The following CDKL4 variants were observed in gnomAD, a reference collection of about 807,000 sequenced individuals.
The protein encoded by CDKL4 is cyclin-dependent kinase-like 4.
A neutral mutation model predicts 42.0 loss-of-function variants in CDKL4; 44 were observed. That is an observed-to-expected ratio of 1.05 (90% CI 0.82 to 1.35). The LOEUF is 1.35. CDKL4 is among the 40% of genes most tolerant of loss of function. CDKL4 has a pLI of 0.00. For synonymous variants in CDKL4, 120 were observed against 121.6 expected (o/e 0.99, Z 0.09); for missense variants, 393 against 369.9 (o/e 1.06, Z -0.51).
chr2:39,169,922 G>A, the CDKL4 span, among the ~76,000 whole-genome samples: 18 of 152,136 alleles, frequency 1.2e-4, no homozygotes, highest in Non-Finnish European at 2.6e-4. Flanking sequence ...CCAGGTTGAA[G>A]TGCAGTGGCA....
intron 7 of CDKL4, among the ~76,000 whole-genome samples, chr2:39,186,568 T>C (rs951795947): frequency 2.6e-5 from 4 of 152,340 alleles, no homozygotes; most frequent in Admixed American, 2.6e-4. Flanking sequence ...GTCATTGATA[T>C]GTTTTCAAAT....
intron 1 of CDKL4, 76 bp from the exon 2 acceptor site, chr2:39,229,664 T>C (rs917928562): frequency 3.3e-6 from 2 of 606,160 alleles, no homozygotes; most frequent in African/African-American, 3.8e-5. Context: ...AACCAATTTG[T>C]CCACATGCCA....
chr2:39,176,067 G>C, exon 10 of CDKL4: 1 of 470,554 alleles, frequency 2.1e-6, no homozygotes, highest in Non-Finnish European at 4.4e-6. Context: ...GGGAGATGTG[G>C]CTTCCTGGTA....
chr2:39,195,607 CTTT>C (rs958813547), intron 5 of CDKL4, among the ~76,000 whole-genome samples: 1 of 146,404 alleles, frequency 6.8e-6, no homozygotes, highest in Non-Finnish European at 1.5e-5. Context: ...CGTATAGCTT[CTTT>C]TTTACTTTTT....
At chr2:39,229,912 C>T (rs1678992426) in intron 1 of CDKL4, among the ~76,000 whole-genome samples, 1 of 152,184 alleles carries the variant, frequency 6.6e-6, no homozygotes, top group Admixed American at 6.5e-5. Context: ...CTGTAAAATC[C>T]AGCTGAAGGA....
intron 9 of CDKL4, chr2:39,178,577 C>G (rs758131507): frequency 6.4e-7 from 1 of 1,551,958 alleles, no homozygotes; most frequent in South Asian, 1.2e-5. Context: ...TTTCTGAAAG[C>G]AAGTGAAGGA....
At chr2:39,191,870 A>G (rs997805829) in intron 5 of CDKL4, among the ~76,000 whole-genome samples, 2 of 152,212 alleles carry the variant, frequency 1.3e-5, no homozygotes, top group East Asian at 3.9e-4. Flanking sequence ...AGGAGGAACA[A>G]TTGGAAAGCA....
chr2:39,187,850 TTGACGTCAAG>T, intron 6 of CDKL4, 141 bp from the exon 7 acceptor site: 2 of 601,924 alleles, frequency 3.3e-6, no homozygotes, highest in Non-Finnish European at 5.8e-6. Flanking sequence ...GGTGGATCAC[TTGACGTCAAG>T]AGTTCGAGAC....
chr2:39,208,949 C>G (rs1022770208), intron 4 of CDKL4, among the ~76,000 whole-genome samples: 4 of 151,946 alleles, frequency 2.6e-5, no homozygotes, highest in African/African-American at 9.7e-5. Flanking sequence ...ACAACCAAAA[C>G]ATGAGTATCA....
chr2:39,213,977 G>A (rs1242636583), intron 3 of CDKL4, among the ~76,000 whole-genome samples: 1 of 151,992 alleles, frequency 6.6e-6, no homozygotes, highest in East Asian at 1.9e-4. Context: ...GAGTGCAGTG[G>A]CATGATCTCA....
Position 39,178,292 on chromosome 2 carries a change from C to T in CDKL4, c.927+895G>A, listed in dbSNP as rs918676218. Among the ~76,000 whole-genome samples the T allele has an allele frequency of 8.5e-5, 13 of 152,174 alleles. No individual in the cohort carries two copies. The East Asian group carries it at 2.3e-3, about 27-fold the overall frequency. On this transcript the variant is annotated intron_variant, in intron 9 of 9. Transcript: ENST00000451199. ...GAAAAGACAACACTTTCTTCCTTTA[C>T]GGAAAACATGCTAATGAGAAGACGA...
chr2:39,185,219 TATATACACATACGTATATATAC>T (rs202085312), intron 7 of CDKL4, among the ~76,000 whole-genome samples: 7,078 of 31,758 alleles, frequency 0.22, 2,859 homozygotes, highest in Non-Finnish European at 0.37. Context: ...TATATATACA[TATATACACATACGTATATATAC>T]ATATATACAC....
chr2:39,241,961 C>G lies in CDKL4; in HGVS notation c.-57+1910G>C, dbSNP rs111760328. ...TTTGATTATTAATACAGTACTTGGA[C>G]AAGAAATCAAGATTAAATGGTGATA... On this transcript the variant is annotated intron_variant, in intron 1 of 9. Coordinates refer to ENST00000451199, the Ensembl canonical transcript of CDKL4. Among the ~76,000 whole-genome samples the G allele has an allele frequency of 1.3e-3, 199 of 151,650 alleles. 3 individuals carry two copies. The highest frequency in any genetic ancestry group is 4.6e-3 in the African/African-American group (192 of 41,308).
intron 9 of CDKL4, among the ~76,000 whole-genome samples, chr2:39,176,980 G>A (rs939767392): frequency 2.8e-4 from 43 of 152,212 alleles, no homozygotes; most frequent in South Asian, 1.0e-3. Context: ...TTGAAGGAGA[G>A]AGCTGTTTAG....
intron 1 of CDKL4, among the ~76,000 whole-genome samples, chr2:39,232,816 C>T (rs1008119592): frequency 1.3e-5 from 2 of 151,998 alleles, no homozygotes; most frequent in Middle Eastern, 3.4e-3. Context: ...GAGGCTGAGG[C>T]GGGCGGATCA....
At chr2:39,201,961 G>A (rs1676879365) in intron 5 of CDKL4, among the ~76,000 whole-genome samples, 1 of 152,168 alleles carries the variant, frequency 6.6e-6, no homozygotes, top group African/African-American at 2.4e-5. Context: ...GCCAGGTGTG[G>A]TGGCTAACAC....
intron 3 of CDKL4, among the ~76,000 whole-genome samples, chr2:39,225,434 G>C (rs1440086049): frequency 1.3e-5 from 2 of 150,038 alleles, no homozygotes; most frequent in Admixed American, 1.3e-4. Context: ...TTTAATCCTA[G>C]ATGCTAGGGA....
intron 5 of CDKL4, among the ~76,000 whole-genome samples, chr2:39,202,587 A>G (rs978719215): frequency 5.9e-5 from 9 of 152,220 alleles, no homozygotes; most frequent in African/African-American, 2.2e-4. Flanking sequence ...TTGGTGTCAC[A>G]TCCAAGAAAT....
At chr2:39,175,662 A>G (rs1285577451) in exon 10 of CDKL4, 1 of 179,590 alleles carries the variant, frequency 5.6e-6, no homozygotes, top group Non-Finnish European at 1.2e-5. Context: ...AGCTGAAGCA[A>G]GATGACACAT....
Sources: gnomAD v4.1 joint callset for allele counts (sites outside exome capture counted in the v4.1 genomes callset) on GRCh38, gnomAD v4.1.1 for gene constraint, MANE v1.5 for transcripts, NCBI Gene and HGNC (gene_info 2026-07-23, HGNC 2026-07-21) for gene names.